The following PLEKHG1 variants were observed in gnomAD, a reference collection of about 807,000 sequenced individuals.
PLEKHG1 encodes the protein pleckstrin homology domain-containing family G member 1.
Under a neutral mutation model 100.8 loss-of-function variants are expected in PLEKHG1, and 44 were observed. That is an observed-to-expected ratio of 0.44 (90% CI 0.34 to 0.56). The LOEUF is 0.56. PLEKHG1 is among the 20% of genes least tolerant of loss of function. The pLI is 0.01. For synonymous variants in PLEKHG1, 640 were observed against 662.5 expected (o/e 0.97, Z 0.52); for missense variants, 1,545 against 1,720.9 (o/e 0.90, Z 1.81).
chr6:150,692,866 A>G (rs1325401153), intron 3 of PLEKHG1, among the ~76,000 whole-genome samples: 1 of 152,236 alleles, frequency 6.6e-6, no homozygotes, highest in African/African-American at 2.4e-5. Flanking sequence ...TTCTCTGTGT[A>G]GAAAACAGTA....
Position 150,810,022 on chromosome 6 carries a change from C to T in PLEKHG1, c.1278+288C>T, listed in dbSNP as rs111279158. 4.7e-3 allele frequency among the ~76,000 whole-genome samples: 713 copies of T among 152,096 alleles called. 11 individuals carry two copies. The East Asian group carries it at 0.08, about 17-fold the overall frequency. On this transcript the variant is annotated intron_variant, in intron 10 of 15. Transcript: ENST00000358517. ...TTCAACTTCATAATAAAGAGGCTGG[C>T]ATGTGGCTCATGCCTGTAATCCCAG...
intron 5 of PLEKHG1, 25 bp downstream of exon 6, chr6:150,795,927 G>A (rs748226468): frequency 6.7e-7 from 1 of 1,493,274 alleles, no homozygotes; most frequent in East Asian, 2.3e-5. Context: ...TGGGCCAAGA[G>A]TACTTTTGTT....
chr6:150,605,713 T>G (rs1386610161), intron 1 of PLEKHG1: 1 of 152,214 alleles, frequency 6.6e-6, no homozygotes, highest in Admixed American at 6.5e-5. Context: ...ATGATATTGA[T>G]GAGTTCCTGT....
intron 3 of PLEKHG1, among the ~76,000 whole-genome samples, chr6:150,666,375 G>A (rs1319824492): frequency 6.6e-6 from 1 of 152,114 alleles, no homozygotes; most frequent in Non-Finnish European, 1.5e-5. Flanking sequence ...CACCCTCAAG[G>A]GTTTCCATGG....
chr6:150,640,401 C>G (rs1033569643), intron 2 of PLEKHG1, among the ~76,000 whole-genome samples: 2 of 152,216 alleles, frequency 1.3e-5, no homozygotes, highest in African/African-American at 2.4e-5. Context: ...CAAGAACCAT[C>G]ATGTTCCTGC....
intron 3 of PLEKHG1, among the ~76,000 whole-genome samples, chr6:150,656,692 A>G (rs1294002848): frequency 6.6e-6 from 1 of 152,192 alleles, no homozygotes; most frequent in Admixed American, 6.5e-5. Flanking sequence ...ACCTATTACC[A>G]TATTGTTCTG....
In PLEKHG1 at chr6:150,810,480, GAAA is replaced by G. The variant is rs1210779323; in HGVS notation, c.1278+747_1278+749del. ...CCCTGTCTCAAAAAAAAGAAAGAAA[GAAA>G]GAAGGAAGGAAGGAGGGAAAGAAAG... is the stretch of plus-strand genomic sequence containing the variant. On this transcript the variant is annotated intron_variant, in intron 10 of 15. Coordinates refer to ENST00000358517, the Ensembl canonical transcript of PLEKHG1. Among the ~76,000 whole-genome samples, 27 of 95,560 alleles carry G rather than the reference GAAA, an allele frequency of 2.8e-4. No individual in the cohort carries two copies. In the South Asian group the frequency reaches 4.2e-3, roughly 15 times the overall value. The allele number at this position is 95,560 out of a possible 152,430, so 62.7% of individuals were successfully genotyped here.
chr6:150,728,682 G>A (rs557126633), intron 1 of PLEKHG1, among the ~76,000 whole-genome samples: 2 of 152,196 alleles, frequency 1.3e-5, no homozygotes, highest in African/African-American at 4.8e-5. Flanking sequence ...TAGATCACGA[G>A]GTCAGGAGTT....
At chr6:150,606,556 A>G (rs1045878542) in intron 1 of PLEKHG1, among the ~76,000 whole-genome samples, 2 of 152,152 alleles carry the variant, frequency 1.3e-5, no homozygotes, top group Admixed American at 6.5e-5. Context: ...AGAGTAAAAT[A>G]CTGCTGAAGT....
intron 1 of PLEKHG1, among the ~76,000 whole-genome samples, chr6:150,611,230 T>C (rs991357585): frequency 8.5e-5 from 13 of 152,376 alleles, no homozygotes; most frequent in Non-Finnish European, 1.3e-4. Flanking sequence ...GTGTGGGTTC[T>C]GAATGAAAAC....
chr6:150,777,256 A>G (rs995007835), intron 3 of PLEKHG1, among the ~76,000 whole-genome samples: 2 of 143,126 alleles, frequency 1.4e-5, no homozygotes, highest in Non-Finnish European at 3.0e-5. Flanking sequence ...CACTAATGCA[A>G]TCCTGGTGCA....
intron 14 of PLEKHG1, among the ~76,000 whole-genome samples, chr6:150,829,412 G>A (rs1776788027): frequency 6.6e-6 from 1 of 152,166 alleles, no homozygotes; most frequent in African/African-American, 2.4e-5. Flanking sequence ...CCAGGAGTTT[G>A]TCTAAGACCA....
At chr6:150,784,189 T>C (rs563279539) in intron 3 of PLEKHG1, among the ~76,000 whole-genome samples, 1 of 152,332 alleles carries the variant, frequency 6.6e-6, no homozygotes, top group East Asian at 1.9e-4. Context: ...ATTTCCCAAA[T>C]TTGTACATTT....
intron 3 of PLEKHG1, among the ~76,000 whole-genome samples, chr6:150,685,674 G>C (rs1422291516): frequency 6.6e-6 from 1 of 152,140 alleles, no homozygotes; most frequent in Non-Finnish European, 1.5e-5. Context: ...AAAATAATAA[G>C]GTAAATGTCA....
At chr6:150,840,012 G>A (rs760944878) in exon 16 of PLEKHG1, 2 of 1,614,102 alleles carry the variant, frequency 1.2e-6, no homozygotes, top group East Asian at 2.2e-5. Context: ...CTATAGTAAT[G>A]GAGAGTTAGC....
intron 14 of PLEKHG1, among the ~76,000 whole-genome samples, chr6:150,826,738 A>C (rs2128683998): frequency 6.6e-6 from 1 of 152,016 alleles, no homozygotes; most frequent in Non-Finnish European, 1.5e-5. Flanking sequence ...AGCTCACTTT[A>C]GGCTCAGGAA....
chr6:150,711,516 G>T (rs1386342318), intron 3 of PLEKHG1, among the ~76,000 whole-genome samples: 1 of 152,202 alleles, frequency 6.6e-6, no homozygotes. Context: ...GCAGGGATGG[G>T]ATGTCTGGTA....
At chr6:150,654,652 G>C (rs1479682439) in intron 3 of PLEKHG1, among the ~76,000 whole-genome samples, 1 of 152,246 alleles carries the variant, frequency 6.6e-6, no homozygotes, top group Non-Finnish European at 1.5e-5. Flanking sequence ...GCATGCTCAA[G>C]AAGGAAACAA....
chr6:150,620,127 G>A (rs777780503), intron 1 of PLEKHG1, among the ~76,000 whole-genome samples: 2 of 151,914 alleles, frequency 1.3e-5, no homozygotes, highest in Non-Finnish European at 2.9e-5. Context: ...TTTTTATTGT[G>A]TTTATTTTCT....
Sources: gnomAD v4.1 joint callset for allele counts (sites outside exome capture counted in the v4.1 genomes callset) on GRCh38, gnomAD v4.1.1 for gene constraint, MANE v1.5 for transcripts, NCBI Gene and HGNC (gene_info 2026-07-23, HGNC 2026-07-21) for gene names.